The following PTP4A2 variants were observed in gnomAD, a reference collection of about 807,000 sequenced individuals.
PTP4A2 encodes the protein protein tyrosine phosphatase type IVA 2.
In PTP4A2, 2 loss-of-function variants were observed where a neutral mutation model predicts 22.9. That is an observed-to-expected ratio of 0.09 (90% CI 0.04 to 0.27). PTP4A2 has a LOEUF of 0.27. Ranked by LOEUF, PTP4A2 falls within the 10% of genes least tolerant of loss-of-function variation. PTP4A2 has a pLI of 1.00. For synonymous variants in PTP4A2, 68 were observed against 69.1 expected, an observed-to-expected ratio of 0.98 and a Z score of 0.08; for missense variants, 103 against 205.1, an observed-to-expected ratio of 0.50 and a Z score of 3.04.
intron 1 of PTP4A2, chr1:31,933,607 C>A (rs912896144): frequency 6.6e-6 from 1 of 151,744 alleles, no homozygotes; most frequent in Non-Finnish European, 1.5e-5. Flanking sequence ...TGGTGGCGCA[C>A]GCCTATAATA....
At chr1:31,925,889 T>TA (rs1446999926) in intron 1 of PTP4A2, among the ~76,000 whole-genome samples, 2 of 152,022 alleles carry the variant, frequency 1.3e-5, no homozygotes, top group Non-Finnish European at 2.9e-5. Flanking sequence ...CTCATGCCTG[T>TA]AATCCCAGCA....
Position 31,908,708 on chromosome 1 carries a change from G to C in PTP4A2, c.*144C>G, listed in dbSNP as rs1326428183. The C allele has an allele frequency of 6.1e-6, 3 of 495,556 alleles. No individual in the cohort carries two copies. Among genetic ancestry groups the C allele is most frequent in the Non-Finnish European group, 7.2e-6 (2 of 276,694 alleles). The allele number at this position is 495,556 out of a possible 1,614,324, so 30.7% of individuals were successfully genotyped here. A position where few individuals can be genotyped will look rare whatever the true frequency, so the allele number is the denominator to read the frequency against. On this transcript the variant is annotated 3_prime_UTR_variant, in exon 6 of 6. Transcript: ENST00000647444. ...AGAGATTTCTTTTTTGTTTGCTTTT[G>C]TTCCAATCATTAGGAGAGTGGTTGA... is the stretch of plus-strand genomic sequence containing the variant.
intron 1 of PTP4A2, among the ~76,000 whole-genome samples, chr1:31,929,123 A>C (rs1259354606): frequency 6.6e-6 from 1 of 152,248 alleles, no homozygotes; most frequent in Non-Finnish European, 1.5e-5. Flanking sequence ...GGCCACACTT[A>C]AAAATATTTA....
intron 1 of PTP4A2, chr1:31,935,663 G>A (rs1406017474): frequency 2.0e-5 from 3 of 152,080 alleles, no homozygotes; most frequent in Non-Finnish European, 4.4e-5. Context: ...CTAGTGCCTG[G>A]CAAATAGAAG....
chr1:31,922,185 T>C (rs1182382680), intron 1 of PTP4A2, among the ~76,000 whole-genome samples: 1 of 152,142 alleles, frequency 6.6e-6, no homozygotes, highest in African/African-American at 2.4e-5. Context: ...CCCTGACCTT[T>C]TAAAAAATAA....
At chr1:31,928,973 C>T (rs1479445852) in intron 1 of PTP4A2, among the ~76,000 whole-genome samples, 1 of 152,160 alleles carries the variant, frequency 6.6e-6, no homozygotes, top group Non-Finnish European at 1.5e-5. Flanking sequence ...TCACTGAAGT[C>T]CTGTGGGCCC....
chr1:31,916,967 GA>G (rs1235466125), intron 2 of PTP4A2, among the ~76,000 whole-genome samples: 1 of 151,904 alleles, frequency 6.6e-6, no homozygotes, highest in African/African-American at 2.4e-5. Context: ...CTGAAATTAA[GA>G]AAAAAAGTGG....
chr1:31,912,974 C>T (rs1436079470), intron 3 of PTP4A2: 1 of 449,484 alleles, frequency 2.2e-6, no homozygotes, highest in Non-Finnish European at 4.4e-6. Context: ...AGCAATAAAA[C>T]CAGTACCTTA....
At chr1:31,929,589 A>C (rs1652631687) in intron 1 of PTP4A2, among the ~76,000 whole-genome samples, 1 of 152,250 alleles carries the variant, frequency 6.6e-6, no homozygotes, top group Non-Finnish European at 1.5e-5. Flanking sequence ...TCTCCAATTC[A>C]GTTGCTTCCC....
intron 1 of PTP4A2, among the ~76,000 whole-genome samples, chr1:31,936,584 A>G (rs556817191): frequency 4.6e-5 from 7 of 152,336 alleles, no homozygotes; most frequent in Non-Finnish European, 8.8e-5. Context: ...AATCCCTATC[A>G]AGGTACTACT....
chr1:31,925,486 G>A (rs1438081227), intron 1 of PTP4A2, among the ~76,000 whole-genome samples: 2 of 152,206 alleles, frequency 1.3e-5, no homozygotes, highest in East Asian at 3.8e-4. Flanking sequence ...CGGGCGCCGT[G>A]GCTCACGCCT....
intron 1 of PTP4A2, among the ~76,000 whole-genome samples, chr1:31,923,282 C>T (rs553052744): frequency 6.6e-6 from 1 of 151,228 alleles, no homozygotes; most frequent in Admixed American, 6.6e-5. Flanking sequence ...TCATAGCTCA[C>T]GGCAACCTCA....
chr1:31,914,609 T>C (rs1262032425), intron 3 of PTP4A2, among the ~76,000 whole-genome samples: 2 of 152,162 alleles, frequency 1.3e-5, no homozygotes, highest in Admixed American at 6.5e-5. Context: ...TAACTACTTA[T>C]AAAATCTCCA....
chr1:31,920,126 C>CA (rs772173962), intron 1 of PTP4A2, among the ~76,000 whole-genome samples: 3,338 of 42,898 alleles, frequency 0.078, 164 homozygotes, highest in Middle Eastern at 0.091. Context: ...AACTCTGCCT[C>CA]AAAAAAAAAA....
At chr1:31,915,528 G>T (rs1462882728) in intron 3 of PTP4A2, 3 of 139,728 alleles carry the variant, frequency 2.1e-5, no homozygotes, top group African/African-American at 8.2e-5. Flanking sequence ...CTAATACCAA[G>T]TTTTTAATTT....
At chr1:31,910,251 A>AC in intron 4 of PTP4A2, 139 bp from the exon 5 acceptor site, 1 of 614,166 alleles carries the variant, frequency 1.6e-6, no homozygotes, top group South Asian at 2.0e-5. Flanking sequence ...TCTGCCTAAT[A>AC]CAGTAAATAT....
intron 3 of PTP4A2, chr1:31,914,343 G>T: frequency 2.2e-6 from 1 of 452,810 alleles, no homozygotes; most frequent in Non-Finnish European, 4.5e-6. Context: ...GTGGGAACAG[G>T]CATGAGCCAC....
chr1:31,918,602 A>G (rs1047278803), intron 2 of PTP4A2, among the ~76,000 whole-genome samples: 3 of 152,236 alleles, frequency 2.0e-5, no homozygotes. Flanking sequence ...GCTACACCTC[A>G]TAGGGTTTTT....
At chr1:31,936,770 A>G (rs1174150066) in intron 1 of PTP4A2, among the ~76,000 whole-genome samples, 2 of 152,222 alleles carry the variant, frequency 1.3e-5, no homozygotes, top group Non-Finnish European at 2.9e-5. Context: ...ATAATGTGTC[A>G]TTCTGTATCC....
Sources: allele counts gnomAD v4.1 joint callset (sites outside exome capture counted in the v4.1 genomes callset), GRCh38; gene constraint gnomAD v4.1.1; transcripts MANE v1.5; gene names NCBI Gene and HGNC (gene_info 2026-07-23, HGNC 2026-07-21).